Variants in STK32B observed in about 807,000 individuals in gnomAD.
STK32B encodes serine/threonine kinase 32B.
In STK32B, 43 loss-of-function variants were observed where a neutral mutation model predicts 52.6. The observed-to-expected ratio is 0.82, with a 90% CI of 0.64 to 1.05. The LOEUF is 1.05. Ranked by LOEUF, STK32B falls within the 50% of genes least tolerant of loss-of-function variation. STK32B has a pLI of 0.00. For synonymous variants in STK32B, 238 were observed against 204.3 expected (o/e 1.17, Z -1.41); for missense variants, 621 against 534.6 (o/e 1.16, Z -1.59).
At chr4:5,352,802 A>G (rs1157739804) in intron 4 of STK32B, among the ~76,000 whole-genome samples, 1 of 152,020 alleles carries the variant, frequency 6.6e-6, no homozygotes, top group Non-Finnish European at 1.5e-5. Context: ...TCAATAATTA[A>G]CTAGCTAATA....
chr4:5,152,651 C>T (rs553565388), intron 2 of STK32B, among the ~76,000 whole-genome samples: 4 of 152,356 alleles, frequency 2.6e-5, no homozygotes, highest in South Asian at 2.1e-4. Context: ...TGCGTGGATA[C>T]GCAGTTCTCA....
chr4:5,189,939 G>A (rs1721046449), intron 3 of STK32B, among the ~76,000 whole-genome samples: 1 of 152,110 alleles, frequency 6.6e-6, no homozygotes, highest in African/African-American at 2.4e-5. Flanking sequence ...CAGAACCATG[G>A]CTGGCATCTA....
At chr4:5,087,069 C>T (rs1314556410) in intron 1 of STK32B, among the ~76,000 whole-genome samples, 1 of 152,004 alleles carries the variant, frequency 6.6e-6, no homozygotes, top group Non-Finnish European at 1.5e-5. Flanking sequence ...GTTTGCAATT[C>T]TTTTTATTCC....
Position 5,460,255 on chromosome 4 carries a change from T to G in STK32B, c.909+27T>G. 1 of 1,596,456 alleles carries G rather than the reference T, an allele frequency of 6.3e-7. No individual in the cohort carries two copies. On this transcript the variant is annotated intron_variant, in intron 9 of 11. Coordinates refer to ENST00000282908, the MANE Select transcript of STK32B (RefSeq NM_018401.3). This position sits in a 1 kb window ranked among gnomAD's most constrained non-coding sequence, Gnocchi z 4.8. Reference sequence around the variant, plus strand: ...TGAGTGGAAGTCCCACCTGATGTCATGCCACCCCTCTGCAGGGTCCCCGCC... The same window carrying G: ...TGAGTGGAAGTCCCACCTGATGTCAGGCCACCCCTCTGCAGGGTCCCCGCC...
chr4:5,462,603 C>G (rs903469140), intron 9 of STK32B, among the ~76,000 whole-genome samples: 22 of 152,292 alleles, frequency 1.4e-4, no homozygotes, highest in African/African-American at 4.6e-4. Context: ...CTGTGCTGCA[C>G]AGGAGCTGGA....
intron 1 of STK32B, among the ~76,000 whole-genome samples, chr4:5,100,802 C>A (rs1008326767): frequency 1.4e-4 from 1 of 6,916 alleles, no homozygotes; most frequent in Non-Finnish European, 3.9e-4. Context: ...ATTCCTTCCC[C>A]TTCCTTCCTT....
rs74374507 is a variant in STK32B at position 5,184,247 on chromosome 4, G to A, written c.260+15797G>A. On this transcript the variant is annotated intron_variant, in intron 3 of 11. Coordinates refer to ENST00000282908, the MANE Select transcript of STK32B (RefSeq NM_018401.3). ...ACTCAGAGGCCATTGTAGTGTTATT[G>A]CTTGGCCTAATTTCAGTATTGTTGT... Among the ~76,000 whole-genome samples, 388 of 152,252 alleles carry A rather than the reference G, an allele frequency of 2.5e-3. 6 individuals carry two copies. The East Asian group carries it at 0.052, about 20-fold the overall frequency.
chr4:5,288,997 A>G (rs758900162), intron 3 of STK32B, among the ~76,000 whole-genome samples: 2 of 152,220 alleles, frequency 1.3e-5, no homozygotes, highest in Non-Finnish European at 2.9e-5. Flanking sequence ...CATTTGTTGA[A>G]AAAACAGTCA....
chr4:5,080,384 C>G (rs1411683059), intron 1 of STK32B, among the ~76,000 whole-genome samples: 1 of 152,194 alleles, frequency 6.6e-6, no homozygotes, highest in African/African-American at 2.4e-5. Context: ...TGCTTCAGGA[C>G]ATTTGCACTT....
Position 5,470,244 on chromosome 4 carries a change from G to A in STK32B, c.1106+2174G>A, listed in dbSNP as rs1395182433. Among the ~76,000 whole-genome samples, 2 of 152,186 alleles carry A rather than the reference G, an allele frequency of 1.3e-5. No individual in the cohort carries two copies. Among genetic ancestry groups the A allele is most frequent in the South Asian group, 2.1e-4 (1 of 4,824 alleles). ...TGTTTTCTTCCTCACGTGTAAATGG[G>A]AATTGATGAGGGAAATGCAGTTGGC... On this transcript the variant is annotated intron_variant, in intron 11 of 11. Transcript: ENST00000282908. The surrounding 1 kb of genome is among the most constrained non-coding windows in gnomAD (Gnocchi z 4.6).
At chr4:5,158,196 C>T (rs1718019790) in intron 2 of STK32B, among the ~76,000 whole-genome samples, 1 of 152,164 alleles carries the variant, frequency 6.6e-6, no homozygotes, top group South Asian at 2.1e-4. Context: ...CTCATAATGA[C>T]GTCTCCTTCC....
At chr4:5,437,514 A>G (rs537794560) in intron 6 of STK32B, among the ~76,000 whole-genome samples, 2 of 152,306 alleles carry the variant, frequency 1.3e-5, no homozygotes, top group Admixed American at 1.3e-4. Flanking sequence ...TTAGGGCCCA[A>G]TCTAAATCCA....
intron 3 of STK32B, among the ~76,000 whole-genome samples, chr4:5,282,399 A>G (rs986912979): frequency 3.3e-5 from 5 of 152,204 alleles, no homozygotes; most frequent in African/African-American, 9.7e-5. Context: ...CCTACTGTAT[A>G]TACCTATCAT....
At chr4:5,332,683 T>A (rs183035084) in intron 4 of STK32B, among the ~76,000 whole-genome samples, 2 of 152,220 alleles carry the variant, frequency 1.3e-5, no homozygotes, top group East Asian at 1.9e-4. Flanking sequence ...AGTGTGATGT[T>A]CCCCTTCCTG....
chr4:5,373,523 G>A (rs963508738), intron 4 of STK32B, among the ~76,000 whole-genome samples: 8 of 152,172 alleles, frequency 5.3e-5, no homozygotes, highest in East Asian at 3.8e-4. Flanking sequence ...TCAACTGATC[G>A]GACAAGGCCC....
chr4:5,225,457 G>C (rs959376686), intron 3 of STK32B, among the ~76,000 whole-genome samples: 1 of 152,062 alleles, frequency 6.6e-6, no homozygotes, highest in Non-Finnish European at 1.5e-5. Flanking sequence ...GAGGAATTTT[G>C]AGAAATTATT....
At chr4:5,426,148 A>G (rs1049282756) in intron 6 of STK32B, among the ~76,000 whole-genome samples, 2 of 152,148 alleles carry the variant, frequency 1.3e-5, no homozygotes, top group Non-Finnish European at 2.9e-5. Context: ...ATTTGGTAAG[A>G]AACTGCCAAA....
Position 5,099,458 on chromosome 4 carries a change from G to GTGCGCGCGCACACGCA in STK32B, c.53-40447_53-40446insTGCGCGCGCACACGCA, listed in dbSNP as rs869261269. ...TGTGTGTGTGTGTGTGTGCGCGCGC[G>GTGCGCGCGCACACGCA]CGTATGTGATGTGTTCACAACTAAG... On this transcript the variant is annotated intron_variant, in intron 1 of 11. Coordinates refer to ENST00000282908, the MANE Select transcript of STK32B (RefSeq NM_018401.3). Among the ~76,000 whole-genome samples, 90 of 77,954 alleles carry GTGCGCGCGCACACGCA rather than the reference G, an allele frequency of 1.2e-3. 1 individual carries two copies. Among genetic ancestry groups the GTGCGCGCGCACACGCA allele is most frequent in the African/African-American group, 2.8e-3 (81 of 28,810 alleles). 51.1% of individuals were successfully genotyped at this position (77,954 alleles called of 152,430 possible).
the STK32B span, among the ~76,000 whole-genome samples, chr4:5,036,874 G>A: frequency 2.0e-5 from 3 of 151,762 alleles, no homozygotes; most frequent in African/African-American, 7.3e-5. Context: ...CACCATGTTG[G>A]CCAGGCTGGT....
Sources: gnomAD v4.1 joint callset for allele counts (sites outside exome capture counted in the v4.1 genomes callset) on GRCh38, gnomAD v4.1.1 for gene constraint, Gnocchi (gnomAD v3.1) non-coding constraint, MANE v1.5 for transcripts, NCBI Gene and HGNC (gene_info 2026-07-23, HGNC 2026-07-21) for gene names.